The following ERBB4 variants were observed in gnomAD, a reference collection of about 807,000 sequenced individuals.
The protein encoded by ERBB4 is receptor tyrosine-protein kinase erbB-4.
ERBB4 carries 42 observed loss-of-function variants against 158.0 expected under a neutral mutation model. That is an observed-to-expected ratio of 0.27 (90% CI 0.21 to 0.34). The LOEUF (loss-of-function observed/expected upper bound fraction) is 0.34. ERBB4 is among the 10% of genes least tolerant of loss of function. ERBB4 has a pLI of 1.00. For synonymous variants in ERBB4, 583 were observed against 558.7 expected (o/e 1.04, Z -0.61); for missense variants, 1,333 against 1,624.1 (o/e 0.82, Z 3.08).
chr2:211,389,131 G>C (rs958677209), intron 25 of ERBB4, among the ~76,000 whole-genome samples: 2 of 152,122 alleles, frequency 1.3e-5, no homozygotes, highest in African/African-American at 4.8e-5. Flanking sequence ...CGCCTCCCGG[G>C]TTCACGCCAT....
chr2:212,195,051 A>G (rs1348908204), intron 1 of ERBB4, among the ~76,000 whole-genome samples: 1 of 152,012 alleles, frequency 6.6e-6, no homozygotes, highest in Non-Finnish European at 1.5e-5. Flanking sequence ...AAAAACCACA[A>G]CACATTAAAT....
At chr2:212,070,184 T>TA (rs1408523714) in intron 2 of ERBB4, among the ~76,000 whole-genome samples, 1 of 151,972 alleles carries the variant, frequency 6.6e-6, no homozygotes. Flanking sequence ...ACTTACTATA[T>TA]ATTATTGAAA....
intron 25 of ERBB4, among the ~76,000 whole-genome samples, chr2:211,405,927 T>G (rs2063137228): frequency 6.6e-6 from 1 of 152,166 alleles, no homozygotes; most frequent in Admixed American, 6.6e-5. Flanking sequence ...CACCCTAGAC[T>G]TCTCTCCTTC....
At chr2:211,865,715 T>C (rs2078187808) in intron 3 of ERBB4, among the ~76,000 whole-genome samples, 1 of 152,142 alleles carries the variant, frequency 6.6e-6, no homozygotes, top group Non-Finnish European at 1.5e-5. Flanking sequence ...TATTAATTAA[T>C]AGCAAGATCA....
chr2:212,503,499 A>G (rs1348890709), intron 1 of ERBB4, among the ~76,000 whole-genome samples: 2 of 152,198 alleles, frequency 1.3e-5, no homozygotes, highest in Admixed American at 6.5e-5. Flanking sequence ...TAGCATCTCA[A>G]TGCAGTTTTG....
chr2:212,035,951 G>A (rs1350631572), intron 2 of ERBB4, among the ~76,000 whole-genome samples: 1 of 152,102 alleles, frequency 6.6e-6, no homozygotes. Context: ...AAAGAAGACA[G>A]CATTTTTTAG....
intron 25 of ERBB4, among the ~76,000 whole-genome samples, chr2:211,406,734 A>G (rs1297417844): frequency 6.6e-6 from 1 of 152,134 alleles, no homozygotes; most frequent in Non-Finnish European, 1.5e-5. Context: ...TAGTAGATAG[A>G]TAATAAACAA....
intron 20 of ERBB4, among the ~76,000 whole-genome samples, chr2:211,518,428 G>T (rs2066096639): frequency 6.6e-6 from 1 of 152,036 alleles, no homozygotes. Context: ...GGCCAAGGCG[G>T]GCAGATCACA....
intron 1 of ERBB4, among the ~76,000 whole-genome samples, chr2:212,189,519 A>G (rs1477737657): frequency 2.0e-5 from 3 of 152,166 alleles, no homozygotes; most frequent in African/African-American, 7.2e-5. Flanking sequence ...CATCACATTC[A>G]ATTTTTCAAA....
intron 1 of ERBB4, among the ~76,000 whole-genome samples, chr2:212,243,426 C>T (rs149544440): frequency 9.8e-4 from 149 of 151,970 alleles, no homozygotes; most frequent in Middle Eastern, 6.8e-3. Context: ...TCTTCATGAC[C>T]TTGTATCACC....
chr2:211,721,443 CAA>C (rs71054136), intron 7 of ERBB4, among the ~76,000 whole-genome samples: 166 of 54,496 alleles, frequency 3.0e-3, no homozygotes, highest in African/African-American at 0.013. Context: ...TTACTCAAAG[CAA>C]AAAAAAAAAA....
chr2:212,132,218 C>A (rs2080126524), intron 1 of ERBB4, among the ~76,000 whole-genome samples: 2 of 152,100 alleles, frequency 1.3e-5, no homozygotes, highest in South Asian at 4.1e-4. Context: ...AATAGTTGTA[C>A]CATGTTAGAT....
At chr2:212,437,186 A>T (rs1345369275) in intron 1 of ERBB4, among the ~76,000 whole-genome samples, 1 of 152,044 alleles carries the variant, frequency 6.6e-6, no homozygotes, top group African/African-American at 2.4e-5. Context: ...CATTCCCCCC[A>T]TTAAGTACTG....
At chr2:211,942,863 T>G (rs896596497) in intron 3 of ERBB4, among the ~76,000 whole-genome samples, 33 of 152,114 alleles carry the variant, frequency 2.2e-4, no homozygotes, top group African/African-American at 7.5e-4. Flanking sequence ...AATTCAAATA[T>G]CTAAGGTGAA....
At chr2:212,315,255 A>G (rs1203398675) in intron 1 of ERBB4, among the ~76,000 whole-genome samples, 1 of 151,378 alleles carries the variant, frequency 6.6e-6, no homozygotes, top group East Asian at 2.0e-4. Context: ...ACAATGAGCA[A>G]GTAACACATC....
chr2:211,920,866 G>A (rs894499880), intron 3 of ERBB4, among the ~76,000 whole-genome samples: 4 of 151,670 alleles, frequency 2.6e-5, no homozygotes, highest in Non-Finnish European at 5.9e-5. Flanking sequence ...ATATCCCTTT[G>A]AACAACAGAG....
intron 3 of ERBB4, among the ~76,000 whole-genome samples, chr2:211,926,144 C>T (rs951865999): frequency 9.9e-5 from 15 of 152,116 alleles, no homozygotes; most frequent in African/African-American, 3.4e-4. Context: ...TGGCTGAGAG[C>T]ATAACTGTAA....
intron 3 of ERBB4, among the ~76,000 whole-genome samples, chr2:211,929,388 T>C (rs1003881292): frequency 6.6e-6 from 1 of 151,874 alleles, no homozygotes; most frequent in Non-Finnish European, 1.5e-5. Context: ...ACATAAAAAA[T>C]AAAAAGTAAT....
intron 25 of ERBB4, among the ~76,000 whole-genome samples, chr2:211,390,090 G>A (rs1559120044): frequency 6.6e-6 from 1 of 152,120 alleles, no homozygotes. Flanking sequence ...GTAATATAGA[G>A]TGATAGTACA....
Sources: allele counts gnomAD v4.1 joint callset (sites outside exome capture counted in the v4.1 genomes callset), GRCh38; gene constraint gnomAD v4.1.1; transcripts MANE v1.5; gene names NCBI Gene and HGNC (gene_info 2026-07-23, HGNC 2026-07-21).